Variants in TNNI3K observed in about 807,000 individuals in gnomAD.
TNNI3K encodes the protein serine/threonine-protein kinase TNNI3K.
Under a neutral mutation model 114.5 loss-of-function variants are expected in TNNI3K, and 140 were observed. The ratio of observed to expected loss-of-function variants is 1.22; its 90% confidence interval spans 1.07 to 1.41. TNNI3K has a LOEUF of 1.41. TNNI3K is among the 40% of genes most tolerant of loss of function. TNNI3K has a pLI of 0.00. For synonymous variants in TNNI3K, 347 were observed against 347.5 expected (o/e 1.00, Z 0.02); for missense variants, 1,125 against 1,007.6 (o/e 1.12, Z -1.58).
chr1:74,520,875 C>T (rs924977606), intron 23 of TNNI3K, among the ~76,000 whole-genome samples: 4 of 152,074 alleles, frequency 2.6e-5, no homozygotes, highest in African/African-American at 4.8e-5. Context: ...GGAGCTGGCT[C>T]ATCTTGGGGA....
intron 21 of TNNI3K, among the ~76,000 whole-genome samples, chr1:74,474,703 G>C (rs1038583590): frequency 6.6e-6 from 1 of 152,144 alleles, no homozygotes; most frequent in Non-Finnish European, 1.5e-5. Flanking sequence ...CATCGCCCAT[G>C]TACAGTGGGT....
At chr1:74,445,474 G>C (rs1666601795) in intron 20 of TNNI3K, among the ~76,000 whole-genome samples, 1 of 139,694 alleles carries the variant, frequency 7.2e-6, no homozygotes, top group Non-Finnish European at 1.5e-5. Context: ...TGCGGTGTTT[G>C]GTTTTTTGTT....
At position 74,271,653 on chromosome 1, in the gene TNNI3K, T is replaced by C. The variant is rs1656357338; in HGVS notation, c.389T>C (p.Val130Ala). ...LLHSGADIQQ[V>A]GYGGLTALHI... ...CACAGTGGAGCTGATATACAGCAGG[T>C]TGGATACGGTGGCCTCACTGCCCTC... The change falls in exon 5 of 25, where the codon GTT becomes GCT. Residue 130 changes from valine to alanine, a missense_variant. By Grantham distance (64) the Val-to-Ala change is moderately conservative. Transcript: ENST00000326637. 1.2e-6 allele frequency: 2 copies of C among 1,609,862 alleles called. No individual in the cohort carries two copies. The highest frequency in any genetic ancestry group is 2.7e-5 in the African/African-American group (2 of 74,808).
At chr1:74,449,299 C>A (rs1482038475) in intron 20 of TNNI3K, among the ~76,000 whole-genome samples, 312 of 151,094 alleles carry the variant, frequency 2.1e-3, no homozygotes, top group African/African-American at 6.9e-3. Flanking sequence ...TCTGTGGGAT[C>A]GGTGGTGATA....
chr1:74,472,346 C>T (rs1245195357), intron 21 of TNNI3K: 1 of 590,562 alleles, frequency 1.7e-6, no homozygotes, highest in African/African-American at 1.9e-5. Context: ...TGTAACCAAA[C>T]CTACAAAGGA....
chr1:74,484,212 T>TA (rs36109808), intron 21 of TNNI3K, among the ~76,000 whole-genome samples: 76,609 of 144,534 alleles, frequency 0.53, 20,180 homozygotes, highest in East Asian at 0.67. Flanking sequence ...CCTGGTTGAT[T>TA]AAAAAAAAAA....
chr1:74,484,981 A>G (rs1195098004), intron 21 of TNNI3K, among the ~76,000 whole-genome samples: 1 of 152,136 alleles, frequency 6.6e-6, no homozygotes, highest in East Asian at 1.9e-4. Flanking sequence ...AGAGGTAAGC[A>G]TATTCCAGAT....
intron 17 of TNNI3K, among the ~76,000 whole-genome samples, chr1:74,395,116 A>AC (rs369149600): frequency 7.0e-4 from 107 of 151,884 alleles, no homozygotes; most frequent in Middle Eastern, 3.5e-3. Context: ...GAAGACTGTG[A>AC]CCCCCATAGT....
At chr1:74,517,050 G>A (rs1320327524) in intron 23 of TNNI3K, among the ~76,000 whole-genome samples, 1 of 152,144 alleles carries the variant, frequency 6.6e-6, no homozygotes, top group Non-Finnish European at 1.5e-5. Flanking sequence ...CTTGTCCCCA[G>A]CTCTGTTGAT....
intron 20 of TNNI3K, among the ~76,000 whole-genome samples, chr1:74,449,773 C>T (rs1342114012): frequency 6.6e-6 from 1 of 151,272 alleles, no homozygotes. Context: ...GAGTGACCTA[C>T]AAAGAGACTT....
intron 17 of TNNI3K, among the ~76,000 whole-genome samples, chr1:74,412,668 G>A (rs559454281): frequency 2.6e-5 from 4 of 152,124 alleles, no homozygotes; most frequent in Non-Finnish European, 5.9e-5. Context: ...AGGCTGGAGT[G>A]TAGTGGCGTG....
chr1:74,410,276 T>A (rs1050932235), intron 17 of TNNI3K, among the ~76,000 whole-genome samples: 1 of 152,306 alleles, frequency 6.6e-6, no homozygotes. Context: ...TAATCCCTAA[T>A]TTCTTGTTTT....
At chr1:74,281,334 A>G (rs1232662382) in intron 5 of TNNI3K, among the ~76,000 whole-genome samples, 7 of 147,940 alleles carry the variant, frequency 4.7e-5, no homozygotes, top group Admixed American at 2.7e-4. Flanking sequence ...ACAATAATAG[A>G]TGTGTGTGTG....
intron 7 of TNNI3K, among the ~76,000 whole-genome samples, chr1:74,337,625 A>G (rs1282645872): frequency 6.6e-6 from 1 of 152,142 alleles, no homozygotes; most frequent in East Asian, 1.9e-4. Flanking sequence ...ATATTTATGT[A>G]TGTATACATC....
At chr1:74,315,151 G>T (rs1659238371) in intron 5 of TNNI3K, among the ~76,000 whole-genome samples, 1 of 152,080 alleles carries the variant, frequency 6.6e-6, no homozygotes, top group Non-Finnish European at 1.5e-5. Context: ...GTTTTATTTT[G>T]ATTTAGTAAT....
At chr1:74,333,982 G>T (rs1293289770) in intron 6 of TNNI3K, among the ~76,000 whole-genome samples, 2 of 152,122 alleles carry the variant, frequency 1.3e-5, no homozygotes, top group African/African-American at 2.4e-5. Context: ...CTGCCCATTA[G>T]CCAACAAAGA....
chr1:74,464,172 T>G (rs1175210093), intron 21 of TNNI3K, among the ~76,000 whole-genome samples: 1 of 152,192 alleles, frequency 6.6e-6, no homozygotes, highest in Non-Finnish European at 1.5e-5. Flanking sequence ...TTCCAAACAA[T>G]CCGCCTGCAA....
intron 5 of TNNI3K, among the ~76,000 whole-genome samples, chr1:74,282,469 C>G (rs550871278): frequency 1.3e-5 from 2 of 151,908 alleles, no homozygotes; most frequent in East Asian, 4.0e-4. Flanking sequence ...GCAGCTTGGT[C>G]TCTGTGTTCT....
At chr1:74,317,402 G>T (rs532977080) in intron 5 of TNNI3K, among the ~76,000 whole-genome samples, 2 of 152,284 alleles carry the variant, frequency 1.3e-5, no homozygotes, top group East Asian at 3.9e-4. Flanking sequence ...CTTTATAACT[G>T]CCCTGCAAGG....
Sources: gnomAD v4.1 joint callset for allele counts (sites outside exome capture counted in the v4.1 genomes callset) on GRCh38, gnomAD v4.1.1 for gene constraint, MANE v1.5 for transcripts, NCBI Gene and HGNC (gene_info 2026-07-23, HGNC 2026-07-21) for gene names.